Variants in NRG3 observed in about 807,000 individuals in gnomAD.
NRG3 encodes neuregulin 3.
In NRG3, 31 loss-of-function variants were observed where a neutral mutation model predicts 66.9. That is an observed-to-expected ratio of 0.46 (90% confidence interval 0.35 to 0.63). The LOEUF (loss-of-function observed/expected upper bound fraction) is 0.63. Ranked by LOEUF, NRG3 falls within the 20% of genes least tolerant of loss-of-function variation. The probability of loss-of-function intolerance (pLI) is 0.00; values close to 1 mark genes in which losing one functional copy is unlikely to be tolerated. For synonymous variants in NRG3, 393 were observed against 359.4 expected (o/e 1.09, Z -1.06); for missense variants, 910 against 878.9 (o/e 1.04, Z -0.45).
rs773172476 is a variant in NRG3 at position 82,958,943 on chromosome 10, C to T, written c.1158-6C>T. ...AATATTTGTACACGTTTATTTATGC[C>T]TGCAGGAAACAAGCTAAACAAATCC... On this transcript the variant is annotated splice_region_variant and splice_polypyrimidine_tract_variant and intron_variant, in intron 5 of 8. Transcript: ENST00000372141. 137 of 1,566,368 alleles carry T rather than the reference C, an allele frequency of 8.7e-5. No homozygotes were observed. The highest frequency in any genetic ancestry group is 1.1e-4 in the Non-Finnish European group (129 of 1,163,028).
chr10:81,944,740 T>C (rs897536524), intron 1 of NRG3, among the ~76,000 whole-genome samples: 3 of 152,106 alleles, frequency 2.0e-5, no homozygotes, highest in Non-Finnish European at 4.4e-5. Flanking sequence ...ATTTGAATTA[T>C]AGGATGAATG....
intron 4 of NRG3, among the ~76,000 whole-genome samples, chr10:82,913,035 C>T (rs1241635125): frequency 6.6e-6 from 1 of 152,094 alleles, no homozygotes; most frequent in East Asian, 1.9e-4. Flanking sequence ...ACCATCCTGG[C>T]TAACACGGTG....
intron 3 of NRG3, among the ~76,000 whole-genome samples, chr10:82,816,196 G>A (rs1327252406): frequency 6.6e-6 from 1 of 152,218 alleles, no homozygotes; most frequent in Non-Finnish European, 1.5e-5. Flanking sequence ...AGGTGTTTCA[G>A]CCATGTTTTT....
intron 2 of NRG3, among the ~76,000 whole-genome samples, chr10:82,378,388 T>C (rs1190007240): frequency 6.6e-6 from 1 of 152,218 alleles, no homozygotes; most frequent in African/African-American, 2.4e-5. Flanking sequence ...CAGCAAAGAC[T>C]GATTCACTTT....
intron 1 of NRG3, among the ~76,000 whole-genome samples, chr10:82,161,289 G>A (rs1344721331): frequency 6.6e-6 from 1 of 152,082 alleles, no homozygotes; most frequent in African/African-American, 2.4e-5. Flanking sequence ...CATAACTAGA[G>A]GTTGGTTAAT....
At chr10:82,286,472 C>T (rs766308651) in intron 1 of NRG3, among the ~76,000 whole-genome samples, 17 of 152,134 alleles carry the variant, frequency 1.1e-4, no homozygotes, top group Non-Finnish European at 1.9e-4. Context: ...ACAGATAATT[C>T]GAAGTTTGAA....
chr10:82,251,361 C>G (rs112545169), intron 1 of NRG3, among the ~76,000 whole-genome samples: 1 of 152,174 alleles, frequency 6.6e-6, no homozygotes, highest in African/African-American at 2.4e-5. Context: ...ATCTTATCCT[C>G]TAAAGCCATT....
intron 1 of NRG3, among the ~76,000 whole-genome samples, chr10:82,253,257 G>A (rs2077568401): frequency 6.6e-6 from 1 of 152,004 alleles, no homozygotes; most frequent in African/African-American, 2.4e-5. Flanking sequence ...TAGCTCCCTG[G>A]GAGCACCACT....
intron 1 of NRG3, among the ~76,000 whole-genome samples, chr10:82,357,483 A>G (rs2083857095): frequency 6.6e-6 from 1 of 152,114 alleles, no homozygotes; most frequent in Non-Finnish European, 1.5e-5. Flanking sequence ...AAATACATTT[A>G]TTTTTTGCAG....
intron 2 of NRG3, among the ~76,000 whole-genome samples, chr10:82,476,910 A>G (rs921863291): frequency 1.7e-4 from 26 of 152,174 alleles, no homozygotes; most frequent in African/African-American, 6.0e-4. Context: ...AAAAGAATCA[A>G]AATAAGCCTT....
intron 1 of NRG3, among the ~76,000 whole-genome samples, chr10:82,316,381 G>A (rs924090925): frequency 6.6e-6 from 1 of 152,132 alleles, no homozygotes; most frequent in African/African-American, 2.4e-5. Flanking sequence ...TCTATGAGGA[G>A]ATATACTTTA....
At chr10:82,354,457 C>G (rs1252412304) in intron 1 of NRG3, among the ~76,000 whole-genome samples, 1 of 150,816 alleles carries the variant, frequency 6.6e-6, no homozygotes, top group African/African-American at 2.4e-5. Context: ...ATGGCGCAAT[C>G]TCAGCCCGCT....
At chr10:82,845,026 G>A (rs1432546641) in intron 3 of NRG3, among the ~76,000 whole-genome samples, 1 of 151,992 alleles carries the variant, frequency 6.6e-6, no homozygotes, top group Non-Finnish European at 1.5e-5. Context: ...ATGGTGTTGT[G>A]CACCTGTAAT....
At chr10:82,860,200 G>A (rs1472358524) in intron 3 of NRG3, among the ~76,000 whole-genome samples, 2 of 152,124 alleles carry the variant, frequency 1.3e-5, no homozygotes, top group African/African-American at 4.8e-5. Flanking sequence ...TGGTCTCCTC[G>A]GAGACAGATA....
At chr10:82,557,577 T>C (rs757061681) in intron 2 of NRG3, among the ~76,000 whole-genome samples, 1 of 152,182 alleles carries the variant, frequency 6.6e-6, no homozygotes, top group Non-Finnish European at 1.5e-5. Context: ...ATTCTCTAGG[T>C]TGTCTGTTTA....
intron 2 of NRG3, among the ~76,000 whole-genome samples, chr10:82,686,601 G>A (rs1207797092): frequency 6.6e-6 from 1 of 152,168 alleles, no homozygotes; most frequent in Non-Finnish European, 1.5e-5. Flanking sequence ...CATGTCACTA[G>A]ATGATGGGAC....
intron 2 of NRG3, among the ~76,000 whole-genome samples, chr10:82,680,160 A>G (rs1218273814): frequency 6.6e-6 from 1 of 152,218 alleles, no homozygotes; most frequent in African/African-American, 2.4e-5. Flanking sequence ...CCTATGAAAT[A>G]GGTACTATTG....
At chr10:82,220,577 GA>G (rs2075894810) in intron 1 of NRG3, among the ~76,000 whole-genome samples, 1 of 152,120 alleles carries the variant, frequency 6.6e-6, no homozygotes, top group Non-Finnish European at 1.5e-5. Context: ...GGAGAATCTG[GA>G]GGGCTTTTAT....
chr10:82,651,922 C>T (rs1230589250), intron 2 of NRG3, among the ~76,000 whole-genome samples: 18 of 152,332 alleles, frequency 1.2e-4, no homozygotes, highest in Middle Eastern at 3.4e-3. Context: ...GACCTCTTCA[C>T]GGGACTCACA....
Sources: allele counts gnomAD v4.1 joint callset (sites outside exome capture counted in the v4.1 genomes callset), GRCh38; gene constraint gnomAD v4.1.1; transcripts MANE v1.5; gene names NCBI Gene and HGNC (gene_info 2026-07-23, HGNC 2026-07-21).